Variants in ADORA2A observed in about 807,000 individuals in gnomAD.
ADORA2A encodes the protein adenosine receptor A2a.
Under a neutral mutation model 18.4 loss-of-function variants are expected in ADORA2A, and 11 were observed. That is an observed-to-expected ratio of 0.60 (90% confidence interval 0.38 to 0.99). ADORA2A has a LOEUF of 0.99. ADORA2A is among the 50% of genes least tolerant of loss of function. ADORA2A has a pLI of 0.01. For synonymous variants in ADORA2A, 218 were observed against 237.3 expected (o/e 0.92, Z 0.75); for missense variants, 449 against 556.1 (o/e 0.81, Z 1.94).
intron 1 of ADORA2A, chr22:24,431,083 C>T (rs538370231): frequency 2.2e-6 from 1 of 455,264 alleles, no homozygotes; most frequent in East Asian, 7.0e-5. Context: ...TCAGGGATAA[C>T]TGTGTTCCTT....
chr22:24,441,298 A>G lies in ADORA2A; in HGVS notation c.1048A>G (p.Ser350Gly). ...CCCGCCAGGAGTGTGGGCCAACGGC[A>G]GTGCTCCCCACCCTGAGCGGAGGCC... is the stretch of plus-strand genomic sequence containing the variant. Reference protein sequence around the residue: ...GHPPGVWANGSAPHPERRPNG... With the variant: ...GHPPGVWANGGAPHPERRPNG... Residue 350 changes from serine (S) to glycine (G), a missense_variant, in exon 3 of 3, where the codon AGT (serine) becomes GGT (glycine). Physicochemically the swap from Ser to Gly is moderately conservative, Grantham distance 56 (BLOSUM62 0). Coordinates refer to ENST00000337539, the MANE Select transcript of ADORA2A (RefSeq NM_000675.6). 1 of 1,610,998 alleles carries G rather than the reference A, an allele frequency of 6.2e-7. No individual in the cohort carries two copies. The highest frequency in any genetic ancestry group is 1.1e-5 in the South Asian group (1 of 90,878).
Position 24,433,351 on chromosome 22 carries a change from ACCGTGAGCTGGCCCAGCCC to A in ADORA2A, c.-53_-35del. ...GCGGGCGGCTGGGCTGCAGCAATGGACCGTGAGCTGGCCCAGCCCGCGTCCGTGCTGAGCCTGCCTGTCG... is the reference window on the plus strand; with the variant it reads ...GCGGGCGGCTGGGCTGCAGCAATGGAGCGTCCGTGCTGAGCCTGCCTGTCG... On this transcript the variant is annotated 5_prime_UTR_variant, in exon 2 of 3. It introduces an in-frame stop codon into an upstream open reading frame of the 5' UTR. Transcript: ENST00000337539. 6.6e-7 allele frequency: 1 copy of A among 1,508,788 alleles called. No homozygotes were observed. Among genetic ancestry groups the A allele is most frequent in the South Asian group, 1.2e-5 (1 of 83,414 alleles). 93.5% of individuals were successfully genotyped at this position (1,508,788 alleles called of 1,614,324 possible).
At chr22:24,433,827 C>A in intron 2 of ADORA2A, 91 bp downstream of exon 2, 2 of 1,417,208 alleles carry the variant, frequency 1.4e-6, no homozygotes, top group Non-Finnish European at 1.9e-6. Flanking sequence ...GGGATCAGGG[C>A]CTGGTCTGCA....
chr22:24,430,255 TAAG>T (rs1211129979), intron 1 of ADORA2A: 2 of 152,548 alleles, frequency 1.3e-5, no homozygotes, highest in Non-Finnish European at 2.9e-5. Flanking sequence ...CAGGAGTGCT[TAAG>T]GAGGGGCTGA....
chr22:24,435,908 T>TGAC (rs138491853), intron 2 of ADORA2A, among the ~76,000 whole-genome samples: 6,644 of 152,254 alleles, frequency 0.044, 482 homozygotes, highest in African/African-American at 0.15. Flanking sequence ...CTGGAGAGGA[T>TGAC]GACGACGATG....
chr22:24,437,949 G>A (rs757761330), intron 2 of ADORA2A, among the ~76,000 whole-genome samples: 1 of 152,252 alleles, frequency 6.6e-6, no homozygotes, highest in Non-Finnish European at 1.5e-5. Context: ...GTGACTGCCT[G>A]GGAATGTGGG....
At chr22:24,437,631 G>A (rs1417981285) in intron 2 of ADORA2A, among the ~76,000 whole-genome samples, 5 of 144,990 alleles carry the variant, frequency 3.4e-5, no homozygotes, top group African/African-American at 1.4e-4. Flanking sequence ...CATACCCCCT[G>A]TCCCCCACCC....
intron 1 of ADORA2A, chr22:24,431,166 T>C (rs1049349309): frequency 2.0e-5 from 9 of 456,682 alleles, no homozygotes; most frequent in African/African-American, 1.8e-4. Flanking sequence ...TGTGAATGGC[T>C]GCCTGGCAAG....
In ADORA2A at chr22:24,441,368, A is replaced by G; in HGVS notation, c.1118A>G (p.Glu373Gly). 1 of 1,583,954 alleles carries G rather than the reference A, an allele frequency of 6.3e-7. No homozygotes were observed. Among genetic ancestry groups the G allele is most frequent in the Non-Finnish European group, 8.6e-7 (1 of 1,164,418 alleles). Residue 373 changes from glutamate to glycine, a missense_variant, in exon 3 of 3, where the codon GAG becomes GGG. By Grantham distance (98) the Glu-to-Gly change is moderately conservative. Coordinates refer to ENST00000337539, the MANE Select transcript of ADORA2A (RefSeq NM_000675.6). Reference sequence around the variant, plus strand: ...CTGGTGAGTGGAGGGAGTGCCCAAGAGTCCCAGGGGAACACGGGCCTCCCA... The same window carrying G: ...CTGGTGAGTGGAGGGAGTGCCCAAGGGTCCCAGGGGAACACGGGCCTCCCA... ...LGLVSGGSAQ[E>G]SQGNTGLPDV... is the part of the protein sequence containing the mutation.
At chr22:24,429,014 G>A (rs1197736077) in intron 1 of ADORA2A, among the ~76,000 whole-genome samples, 2 of 152,256 alleles carry the variant, frequency 1.3e-5, no homozygotes, top group African/African-American at 4.8e-5. Flanking sequence ...GGCATGGCTG[G>A]AGCGGGTCCG....
At chr22:24,440,517 T>A in intron 2 of ADORA2A, 66 bp from the exon 3 acceptor site, 1 of 1,471,172 alleles carries the variant, frequency 6.8e-7, no homozygotes, top group Non-Finnish European at 9.2e-7. Flanking sequence ...TGCTCTGGGG[T>A]TCTGAACTCT....
chr22:24,439,636 T>A (rs1047981423), intron 2 of ADORA2A: 1 of 152,132 alleles, frequency 6.6e-6, no homozygotes, highest in Non-Finnish European at 1.5e-5. Flanking sequence ...ACTTTTTTTT[T>A]TTATTGTCCA....
upstream of ADORA2A, among the ~76,000 whole-genome samples, chr22:24,424,183 C>A (rs1213375410): frequency 6.6e-6 from 1 of 151,960 alleles, no homozygotes; most frequent in East Asian, 1.9e-4. This position sits in a 1 kb window ranked among gnomAD's most constrained non-coding sequence, Gnocchi z 4.9. Context: ...CGGCTGCCGG[C>A]ACTGCCTGTG....
At chr22:24,429,076 T>C (rs2042965476) in intron 1 of ADORA2A, 1 of 152,372 alleles carries the variant, frequency 6.6e-6, no homozygotes, top group Non-Finnish European at 1.5e-5. Flanking sequence ...CAGGAGCAGA[T>C]GTGCAGGTCA....
At chr22:24,434,042 T>C (rs145635070) in intron 2 of ADORA2A, among the ~76,000 whole-genome samples, 15 of 152,334 alleles carry the variant, frequency 9.8e-5, no homozygotes, top group South Asian at 2.1e-4. Flanking sequence ...GGGTCTGGCA[T>C]TGGGCTTAGC....
upstream of ADORA2A, among the ~76,000 whole-genome samples, chr22:24,425,195 C>G (rs947810691): frequency 6.6e-6 from 1 of 151,766 alleles, no homozygotes; most frequent in Admixed American, 6.6e-5. Flanking sequence ...GGTGCCCCAG[C>G]CCTGGGGACC....
chr22:24,434,762 G>C (rs1197245573), intron 2 of ADORA2A, among the ~76,000 whole-genome samples: 1 of 152,226 alleles, frequency 6.6e-6, no homozygotes, highest in Non-Finnish European at 1.5e-5. Flanking sequence ...CAGGAAGGAG[G>C]ACCCAGCTAG....
At chr22:24,436,818 G>C (rs984628604) in intron 2 of ADORA2A, among the ~76,000 whole-genome samples, 2 of 152,164 alleles carry the variant, frequency 1.3e-5, no homozygotes, top group African/African-American at 2.4e-5. Context: ...TCACTGGCAT[G>C]AGTGTGGGGG....
At chr22:24,437,005 TTTC>T (rs1487599488) in intron 2 of ADORA2A, among the ~76,000 whole-genome samples, 2 of 151,740 alleles carry the variant, frequency 1.3e-5, no homozygotes, top group African/African-American at 4.9e-5. Flanking sequence ...GGAATGGAGG[TTTC>T]CCTGTGGGTC....
Sources: allele counts gnomAD v4.1 joint callset (sites outside exome capture counted in the v4.1 genomes callset), GRCh38; gene constraint gnomAD v4.1.1; non-coding constraint Gnocchi (gnomAD v3.1); transcripts MANE v1.5; gene names NCBI Gene and HGNC (gene_info 2026-07-23, HGNC 2026-07-21).